The following DYNLT1 variants were observed in gnomAD, a reference collection of about 807,000 sequenced individuals.
The protein encoded by DYNLT1 is dynein light chain Tctex-type 1, also known as T-complex testis-specific protein 1 homolog.
A neutral mutation model predicts 19.6 loss-of-function variants in DYNLT1; 18 were observed. The observed-to-expected ratio is 0.92, with a 90% CI of 0.64 to 1.36. The LOEUF is 1.36. Among genes scored for constraint, DYNLT1 ranks in the 40% most tolerant of loss-of-function variants. DYNLT1 has a pLI of 0.00. For missense variants in DYNLT1, 137 were observed against 139.3 expected, an observed-to-expected ratio of 0.98 and a Z score of 0.08; for synonymous variants, 56 against 44.0, an observed-to-expected ratio of 1.27 and a Z score of -1.07.
intron 2 of DYNLT1, 92 bp downstream of exon 2, chr6:158,641,225 TCA>T (rs1787127685): frequency 8.4e-7 from 1 of 1,185,958 alleles, no homozygotes; most frequent in Non-Finnish European, 1.2e-6. Context: ...ACACACAGAC[TCA>T]GTCGAAACAA....
chr6:158,642,028 T>G (rs1787146506), intron 1 of DYNLT1: 1 of 152,270 alleles, frequency 6.6e-6, no homozygotes, highest in Non-Finnish European at 1.5e-5. Context: ...GCTGAAGTAA[T>G]CCATTTAAGA....
intron 1 of DYNLT1, 142 bp downstream of exon 1, chr6:158,644,540 G>A (rs527617486): frequency 1.2e-5 from 11 of 954,426 alleles, no homozygotes; most frequent in East Asian, 3.0e-5. Context: ...GAGCGCCGGC[G>A]ACCGGGAAGC....
Position 158,636,704 on chromosome 6 carries a change from T to C in DYNLT1, c.*123A>G. ...ATCACAGTGCGGTCATTTGGTTTTT[T>C]CCTCTACATTGTGAAAGTGCCACAA... On this transcript the variant is annotated 3_prime_UTR_variant, in exon 5 of 5. Coordinates refer to ENST00000367089, the MANE Select transcript of DYNLT1 (RefSeq NM_006519.4). 8.4e-7 allele frequency: 1 copy of C among 1,194,152 alleles called. No individual in the cohort carries two copies. The highest frequency in any genetic ancestry group is 1.2e-6 in the Non-Finnish European group (1 of 852,170). The allele number at this position is 1,194,152 out of a possible 1,614,324, so 74.0% of individuals were successfully genotyped here. A position where few individuals can be genotyped will look rare whatever the true frequency, so the allele number is the denominator to read the frequency against.
chr6:158,643,202 T>A (rs1212994285), intron 1 of DYNLT1, among the ~76,000 whole-genome samples: 1 of 152,210 alleles, frequency 6.6e-6, no homozygotes, highest in East Asian at 1.9e-4. Flanking sequence ...ATTTCTTTTT[T>A]AGAAGTTTTA....
chr6:158,641,463 C>A, intron 1 of DYNLT1, 103 bp from the exon 2 acceptor site: 1 of 1,026,970 alleles, frequency 9.7e-7, no homozygotes, highest in Non-Finnish European at 1.4e-6. Flanking sequence ...GAAATGAAGA[C>A]CTTAGAAATA....
Position 158,637,880 on chromosome 6 carries a change from T to TG in DYNLT1, c.83dup (p.Ile29AsnfsTer4), listed in dbSNP as rs1197136981. 1.2e-6 allele frequency: 2 copies of TG among 1,603,996 alleles called. No individual in the cohort carries two copies. The highest frequency in any genetic ancestry group is 3.3e-5 in the Admixed American group (2 of 60,020). On this transcript the variant is annotated frameshift_variant, in exon 3 of 5. Coordinates refer to ENST00000367089, the MANE Select transcript of DYNLT1 (RefSeq NM_006519.4). LOFTEE classifies it high-confidence loss of function. Reference sequence around the variant, plus strand: ...TGTGTTGATAAGCGTTACCACCAATTGCGCTTTCTATAGCCTAGAAAACAA... The same window carrying TG: ...TGTGTTGATAAGCGTTACCACCAATTGGCGCTTTCTATAGCCTAGAAAACAA...
At chr6:158,644,404 C>CCGCTCACCGGGGCG (rs1233238988) in intron 1 of DYNLT1, among the ~76,000 whole-genome samples, 54 of 152,288 alleles carry the variant, frequency 3.5e-4, no homozygotes, top group Middle Eastern at 3.4e-3. Context: ...TTTCTCGGCA[C>CCGCTCACCGGGGCG]CGCTCACCGG....
rs762903281 is a variant in DYNLT1, at chr6:158,637,742, CAAATATAAAAG to C, written c.193+18_193+28del. On this transcript the variant is annotated intron_variant, in intron 3 of 4. Coordinates refer to ENST00000367089, the MANE Select transcript of DYNLT1 (RefSeq NM_006519.4). ...TGATCAGTGTTAAAAAACCATCCCG[CAAATATAAAAG>C]AAACAAGACTCCATTACCGATGTAT... is the stretch of plus-strand genomic sequence containing the variant. 1.2e-6 allele frequency: 2 copies of C among 1,614,064 alleles called. No homozygotes were observed. Among genetic ancestry groups the C allele is most frequent in the African/African-American group, 2.7e-5 (2 of 75,022 alleles).
At chr6:158,642,316 G>C (rs1388194955) in intron 1 of DYNLT1, 1 of 152,190 alleles carries the variant, frequency 6.6e-6, no homozygotes, top group Non-Finnish European at 1.5e-5. Context: ...GATCTGAATG[G>C]GTAAAAGGTC....
chr6:158,640,857 A>T (rs894924244), intron 2 of DYNLT1, among the ~76,000 whole-genome samples: 4 of 152,184 alleles, frequency 2.6e-5, no homozygotes, highest in African/African-American at 9.7e-5. Context: ...AGTAACAAAC[A>T]TCCCTTCTGT....
chr6:158,641,228 G>T, intron 2 of DYNLT1, 91 bp downstream of exon 2: 1 of 1,244,552 alleles, frequency 8.0e-7, no homozygotes, highest in Non-Finnish European at 1.1e-6. Flanking sequence ...CACAGACTCA[G>T]TCGAAACAAT....
rs1562327383 is a variant in DYNLT1 at position 158,644,694 on chromosome 6, CTGG to C, written c.12_14del (p.Tyr4_Gln5delinsTer). ...ACCCGGCGGTTACCTCCTCCGCAGC[CTGG>C]TAGTCTTCCATCTTTCCTCCGGCGC... On this transcript the variant is annotated stop_gained and inframe_deletion, in exon 1 of 5. Transcript: ENST00000367089. LOFTEE classifies it high-confidence loss of function. 1 of 1,612,128 alleles carries C rather than the reference CTGG, an allele frequency of 6.2e-7. No homozygotes were observed. The highest frequency in any genetic ancestry group is 8.5e-7 in the Non-Finnish European group (1 of 1,179,708).
chr6:158,636,960 A>G (rs774096695), intron 4 of DYNLT1, 63 bp from the exon 5 acceptor site: 2 of 1,580,026 alleles, frequency 1.3e-6, no homozygotes, highest in Admixed American at 1.7e-5. Context: ...TTTTACTCAC[A>G]ATAAGGCCAA....
chr6:158,640,712 C>T (rs139273641), intron 2 of DYNLT1, among the ~76,000 whole-genome samples: 477 of 152,318 alleles, frequency 3.1e-3, no homozygotes, highest in Non-Finnish European at 5.6e-3. Flanking sequence ...CCACTAGTGG[C>T]ACTTACCACA....
chr6:158,641,119 C>G (rs925262508), intron 2 of DYNLT1, among the ~76,000 whole-genome samples, 200 bp downstream of exon 2: 1 of 152,178 alleles, frequency 6.6e-6, no homozygotes, highest in Non-Finnish European at 1.5e-5. Context: ...GTACATAAAA[C>G]TCCTTATCTG....
intron 2 of DYNLT1, among the ~76,000 whole-genome samples, chr6:158,639,649 C>T (rs955133678): frequency 2.0e-5 from 3 of 152,128 alleles, no homozygotes; most frequent in Non-Finnish European, 4.4e-5. Context: ...GCAATGTCAC[C>T]TCATGTTTCC....
At chr6:158,637,580 CATACGATCTGCAAT>C in intron 3 of DYNLT1, 177 bp downstream of exon 3, 1 of 815,832 alleles carries the variant, frequency 1.2e-6, no homozygotes, top group East Asian at 2.7e-5. Context: ...TCCCGCTTCA[CATACGATCTGCAAT>C]TGTACCAGCA....
intron 3 of DYNLT1, 88 bp downstream of exon 3, chr6:158,637,683 C>T (rs760781378): frequency 2.2e-5 from 35 of 1,606,690 alleles, no homozygotes; most frequent in Admixed American, 3.3e-5. Flanking sequence ...AGTTGAGCCA[C>T]GTTAGCTGTT....
In DYNLT1 at chr6:158,644,001, T is replaced by C. The variant is rs535440343; in HGVS notation, c.27+681A>G. ...AGCCATTTAACGCACACGGTGCCGA[T>C]GGGTGTCTTCTGCTTGGCGACATCG... is the stretch of plus-strand genomic sequence containing the variant. On this transcript the variant is annotated intron_variant, in intron 1 of 4. Transcript: ENST00000367089. 1.3e-4 allele frequency among the ~76,000 whole-genome samples: 19 copies of C among 151,768 alleles called. No homozygotes were observed. In the South Asian group the frequency reaches 4.0e-3, roughly 32 times the overall value.
Sources: allele counts gnomAD v4.1 joint callset (sites outside exome capture counted in the v4.1 genomes callset), GRCh38; gene constraint gnomAD v4.1.1; transcripts MANE v1.5; gene names NCBI Gene and HGNC (gene_info 2026-07-23, HGNC 2026-07-21).